Variants in FNIP1 observed in about 807,000 individuals in gnomAD.
FNIP1 encodes folliculin-interacting protein 1.
In FNIP1, 40 loss-of-function variants were observed where a neutral mutation model predicts 124.5. That is an observed-to-expected ratio of 0.32 (90% CI 0.25 to 0.42). FNIP1 has a LOEUF of 0.42. FNIP1 is among the 10% of genes least tolerant of loss of function. The pLI, the probability that FNIP1 is intolerant of heterozygous loss-of-function variation, is 1.00. For missense variants in FNIP1, 1,176 were observed against 1,403.7 expected (o/e 0.84, Z 2.59); for synonymous variants, 472 against 470.6 (o/e 1.00, Z -0.04).
chr5:131,773,780 T>A (rs1273861849), intron 1 of FNIP1, among the ~76,000 whole-genome samples: 1 of 152,222 alleles, frequency 6.6e-6, no homozygotes, highest in Non-Finnish European at 1.5e-5. Flanking sequence ...ATGAATTTCA[T>A]TTTAAGTGTT....
chr5:131,744,274 G>T (rs767566936), intron 2 of FNIP1, among the ~76,000 whole-genome samples: 1 of 151,776 alleles, frequency 6.6e-6, no homozygotes, highest in Admixed American at 6.6e-5. Flanking sequence ...AAGTTCTGCT[G>T]AGCTGTTGTC....
Position 131,672,032 on chromosome 5 carries a change from T to C in FNIP1, c.2412A>G (p.Gln804=), listed in dbSNP as rs146785367. ...TGTTCTGTGTATCAGACTCTCCAGA[T>C]TGGTCCTTGGTTGTTTGTTTAGTTT... ...HQETKQTTKD[Q]SGESDTQNMV... is the part of the protein sequence containing the mutation. The change falls in exon 14 of 18, where the codon CAA becomes CAG. Residue 804 remains glutamine, a synonymous_variant. Transcript: ENST00000510461. 1.9e-3 allele frequency: 3,146 copies of C among 1,614,170 alleles called. 9 individuals carry two copies. Among genetic ancestry groups the C allele is most frequent in the Admixed American group, 5.1e-3 (304 of 60,016 alleles).
chr5:131,731,296 A>G (rs1770080831), intron 2 of FNIP1, among the ~76,000 whole-genome samples: 1 of 152,186 alleles, frequency 6.6e-6, no homozygotes, highest in Admixed American at 6.6e-5. Flanking sequence ...ACCACGGCCT[A>G]TACGATGTTC....
At chr5:131,754,830 A>G (rs559271994) in intron 1 of FNIP1, among the ~76,000 whole-genome samples, 2 of 152,258 alleles carry the variant, frequency 1.3e-5, no homozygotes, top group Non-Finnish European at 2.9e-5. Flanking sequence ...CTGACAAGAT[A>G]GAGAGAAGCC....
At chr5:131,787,759 G>C (rs1353340086) in intron 1 of FNIP1, among the ~76,000 whole-genome samples, 1 of 152,150 alleles carries the variant, frequency 6.6e-6, no homozygotes, top group Admixed American at 6.5e-5. Context: ...TGCTTAATGA[G>C]GAGTCAAGAC....
chr5:131,704,023 A>C (rs1201002991), intron 10 of FNIP1, 42 bp downstream of exon 10: 2 of 1,463,622 alleles, frequency 1.4e-6, no homozygotes, highest in Non-Finnish European at 1.9e-6. Context: ...TGGGAGAATA[A>C]GATTTTAAAA....
At chr5:131,700,046 C>A (rs1768846436) in intron 10 of FNIP1, among the ~76,000 whole-genome samples, 1 of 148,206 alleles carries the variant, frequency 6.7e-6, no homozygotes, top group South Asian at 2.1e-4. Context: ...TGCAGTGGCA[C>A]AATCTTGGCT....
intron 1 of FNIP1, among the ~76,000 whole-genome samples, chr5:131,757,132 A>G (rs1357677757): frequency 6.6e-6 from 1 of 152,220 alleles, no homozygotes; most frequent in Non-Finnish European, 1.5e-5. Flanking sequence ...ACAAACACAT[A>G]TAGTGGTCTC....
rs201305501 is a variant in FNIP1, at chr5:131,790,639, GAAGA to G, written c.92+6187_92+6190del. Among the ~76,000 whole-genome samples the G allele has an allele frequency of 5.1e-3, 780 of 152,278 alleles. 4 individuals carry two copies. Among genetic ancestry groups the G allele is most frequent in the African/African-American group, 0.017 (715 of 41,560 alleles). On this transcript the variant is annotated intron_variant, in intron 1 of 17. Transcript: ENST00000510461. ...TGAAGAAAAGGCTCAAGTAAGCAAA[GAAGA>G]GAGACGTGGACAATGACAACTATGA...
At position 131,647,131 on chromosome 5, in the gene FNIP1, C is replaced by T. The variant is rs779625091; in HGVS notation, c.3381G>A (p.Gly1127=). 2.5e-6 allele frequency: 4 copies of T among 1,614,132 alleles called. No homozygotes were observed. The highest frequency in any genetic ancestry group is 1.1e-5 in the South Asian group (1 of 91,080). The change falls in exon 17 of 18, where the codon GGG becomes GGA. Residue 1127 remains glycine (G), a synonymous_variant. Transcript: ENST00000510461. ...GCTCCTTGACATGAACACGCATCTG[C>T]CCCCTCAGGTATTCAGACAGCATTT... ...KSKMLSEYLR[G]QMRVHVKELG... is the part of the protein sequence containing the mutation.
intron 12 of FNIP1, among the ~76,000 whole-genome samples, chr5:131,678,556 C>T (rs956547725): frequency 2.0e-5 from 3 of 152,054 alleles, no homozygotes; most frequent in Non-Finnish European, 2.9e-5. Context: ...TACAGGCACC[C>T]GCCACCATGC....
chr5:131,643,301 T>C lies in FNIP1; in HGVS notation c.*1384A>G, dbSNP rs971525732. On this transcript the variant is annotated 3_prime_UTR_variant, in exon 18 of 18. Transcript: ENST00000510461. Reference sequence around the variant, plus strand: ...CAGCAAGAATGGATGTGTTATATAGTAAATATATTTAATAACTGAATAAAC... The same window carrying C: ...CAGCAAGAATGGATGTGTTATATAGCAAATATATTTAATAACTGAATAAAC... The C allele has an allele frequency of 1.3e-5, 2 of 152,638 alleles. No homozygotes were observed. The highest frequency in any genetic ancestry group is 2.9e-5 in the Non-Finnish European group (2 of 68,044). 9.5% of individuals were successfully genotyped at this position (152,638 alleles called of 1,614,324 possible). A position where few individuals can be genotyped will look rare whatever the true frequency, so the allele number is the denominator to read the frequency against.
At chr5:131,665,326 T>C (rs1767565485) in intron 15 of FNIP1, among the ~76,000 whole-genome samples, 1 of 152,064 alleles carries the variant, frequency 6.6e-6, no homozygotes, top group African/African-American at 2.4e-5. Flanking sequence ...TTAGGAAAAT[T>C]TGTGTTTGGC....
At chr5:131,690,303 A>G (rs571551489) in intron 11 of FNIP1, among the ~76,000 whole-genome samples, 1 of 152,324 alleles carries the variant, frequency 6.6e-6, no homozygotes, top group South Asian at 2.1e-4. Context: ...AACACTAACC[A>G]AAAGAAAGCT....
chr5:131,735,557 T>G (rs1475074561), intron 2 of FNIP1, among the ~76,000 whole-genome samples: 1 of 148,472 alleles, frequency 6.7e-6, no homozygotes, highest in Non-Finnish European at 1.5e-5. Flanking sequence ...TATATACATA[T>G]ACACATATTT....
intron 2 of FNIP1, among the ~76,000 whole-genome samples, chr5:131,743,597 T>C (rs1267141428): frequency 3.9e-5 from 6 of 152,180 alleles, no homozygotes; most frequent in East Asian, 1.9e-4. Context: ...TCAAAATTTA[T>C]ATGTCGTCCT....
At position 131,651,911 on chromosome 5, in the gene FNIP1, C is replaced by G; in HGVS notation, c.3197G>C (p.Arg1066Thr). Residue 1066 changes from arginine to threonine, a missense_variant, in exon 16 of 18, where the codon AGA becomes ACA. Physicochemically the swap from Arg to Thr is moderately conservative, Grantham distance 71. Around this residue, in one of 2 missense-constraint regions of FNIP1, gnomAD observed 1,109 missense variants for 1,288.5 expected, o/e 0.86. Coordinates refer to ENST00000510461, the MANE Select transcript of FNIP1 (RefSeq NM_133372.3). ...KWTVQVASSQ[R>T]RVTDNKLGKE... ...TCCCAATTTATTATCTGTCACTCGT[C>G]TCTGGCTACTGGCCACTTGAACAGT... 1.9e-6 allele frequency: 3 copies of G among 1,614,174 alleles called. No homozygotes were observed. Among genetic ancestry groups the G allele is most frequent in the Non-Finnish European group, 2.5e-6 (3 of 1,180,044 alleles).
intron 16 of FNIP1, among the ~76,000 whole-genome samples, chr5:131,651,309 C>T (rs1406736783): frequency 1.3e-5 from 2 of 152,186 alleles, no homozygotes; most frequent in East Asian, 3.9e-4. Flanking sequence ...AGGAGGATCA[C>T]CTGAGCCCAA....
chr5:131,651,749 T>A, intron 16 of FNIP1, 53 bp downstream of exon 16: 1 of 1,535,488 alleles, frequency 6.5e-7, no homozygotes, highest in Admixed American at 1.9e-5. Flanking sequence ...AAAACAATGA[T>A]GAAAGCTTTA....
Sources: gnomAD v4.1 joint callset for allele counts (sites outside exome capture counted in the v4.1 genomes callset) on GRCh38, gnomAD v4.1.1 for gene constraint, gnomAD v4.1.1 regional missense constraint, MANE v1.5 for transcripts, NCBI Gene and HGNC (gene_info 2026-07-23, HGNC 2026-07-21) for gene names.